The following CCDC3 variants were observed in gnomAD, a reference collection of about 807,000 sequenced individuals.
CCDC3 encodes the protein coiled-coil domain containing 3.
CCDC3 carries 24 observed loss-of-function variants against 21.4 expected under a neutral mutation model. The ratio of observed to expected loss-of-function variants is 1.12; its 90% CI spans 0.81 to 1.58. The LOEUF (loss-of-function observed/expected upper bound fraction) is 1.58. Ranked by LOEUF, CCDC3 falls within the 40% of genes most tolerant of loss-of-function variation. CCDC3 has a pLI of 0.00. For missense variants in CCDC3, 425 were observed against 360.9 expected (o/e 1.18, Z -1.44); for synonymous variants, 186 against 166.0 (o/e 1.12, Z -0.93).
intron 2 of CCDC3, among the ~76,000 whole-genome samples, chr10:12,981,778 C>T (rs141975289): frequency 4.6e-5 from 7 of 152,050 alleles, no homozygotes; most frequent in African/African-American, 9.6e-5. Context: ...CTATGAGTTA[C>T]GATGGAGAAA....
intron 2 of CCDC3, among the ~76,000 whole-genome samples, chr10:12,908,303 G>A (rs947791591): frequency 6.6e-6 from 1 of 152,146 alleles, no homozygotes; most frequent in East Asian, 1.9e-4. Flanking sequence ...TATCAGCTGT[G>A]CACATTGGTC....
intron 5 of CCDC3, among the ~76,000 whole-genome samples, chr10:13,049,307 CT>C (rs901667867): frequency 1.3e-5 from 2 of 151,964 alleles, no homozygotes; most frequent in African/African-American, 4.8e-5. Context: ...CTGTAGAGCA[CT>C]TTTTTTTCTT....
chr10:13,006,641 A>G (rs1450501031), upstream of CCDC3, among the ~76,000 whole-genome samples: 1 of 152,182 alleles, frequency 6.6e-6, no homozygotes, highest in African/African-American at 2.4e-5. Context: ...TGGGTCAGAG[A>G]GAAAATGTGG....
At position 12,944,695 on chromosome 10, in the gene CCDC3, A is replaced by G. The variant is rs987530499; in HGVS notation, c.550-46016T>C. On this transcript the variant is annotated intron_variant, in intron 2 of 2. Coordinates refer to ENST00000378825, the MANE Select transcript of CCDC3 (RefSeq NM_031455.4). ...ACCTGTCTCAGACACTTTCCAGTTTAGAAATATAATACAGACTCATAACTT... is the reference window on the plus strand; with the variant it reads ...ACCTGTCTCAGACACTTTCCAGTTTGGAAATATAATACAGACTCATAACTT... Among the ~76,000 whole-genome samples, 3 of 152,222 alleles carry G rather than the reference A, an allele frequency of 2.0e-5. No individual in the cohort carries two copies. In the South Asian group the frequency reaches 6.2e-4, roughly 32 times the overall value.
At chr10:13,060,828 TG>T (rs1279163395) in intron 4 of CCDC3, among the ~76,000 whole-genome samples, 1 of 151,948 alleles carries the variant, frequency 6.6e-6, no homozygotes, top group Non-Finnish European at 1.5e-5. Flanking sequence ...TTCTAAAGGC[TG>T]AAAAAAAGGG....
chr10:12,990,243 A>C (rs1290708515), intron 2 of CCDC3, among the ~76,000 whole-genome samples: 1 of 149,830 alleles, frequency 6.7e-6, no homozygotes, highest in East Asian at 2.0e-4. Context: ...CTGGGCAAAA[A>C]AGCGAGACTC....
At chr10:12,971,601 G>A (rs948577626) in intron 2 of CCDC3, among the ~76,000 whole-genome samples, 3 of 152,076 alleles carry the variant, frequency 2.0e-5, no homozygotes, top group Admixed American at 6.5e-5. Context: ...CTGCTCTCCC[G>A]CCCGTGTTGT....
intron 4 of CCDC3, among the ~76,000 whole-genome samples, chr10:13,062,042 AT>A (rs1230231712): frequency 2.8e-4 from 42 of 151,434 alleles, no homozygotes; most frequent in African/African-American, 9.7e-4. Context: ...GGGGTAAAAT[AT>A]TTTGATTTTC....
intron 5 of CCDC3, among the ~76,000 whole-genome samples, chr10:13,041,630 T>A (rs1175071889): frequency 6.8e-6 from 1 of 147,598 alleles, no homozygotes; most frequent in Non-Finnish European, 1.5e-5. Context: ...GTTCAAGTGA[T>A]TCTCCTGCCT....
chr10:13,018,069 C>T (rs1357560563), intron 5 of CCDC3, among the ~76,000 whole-genome samples: 4 of 148,494 alleles, frequency 2.7e-5, no homozygotes, highest in Non-Finnish European at 4.5e-5. Flanking sequence ...CTTTCCTTTC[C>T]CATCTATGTC....
chr10:13,011,327 A>G (rs12269529), intron 5 of CCDC3, among the ~76,000 whole-genome samples: 28 of 152,354 alleles, frequency 1.8e-4, no homozygotes, highest in African/African-American at 6.7e-4. Context: ...CTGATAAGCA[A>G]CTTCAGCAAA....
chr10:13,033,475 GA>G (rs1320558711), intron 5 of CCDC3, among the ~76,000 whole-genome samples: 2 of 152,134 alleles, frequency 1.3e-5, no homozygotes, highest in Non-Finnish European at 2.9e-5. Context: ...GGCAACAAAA[GA>G]CAAAATTGAC....
At chr10:12,944,614 C>A (rs1206661027) in intron 2 of CCDC3, among the ~76,000 whole-genome samples, 1 of 152,054 alleles carries the variant, frequency 6.6e-6, no homozygotes, top group Non-Finnish European at 1.5e-5. Flanking sequence ...TTCCTGGGGC[C>A]ATATAATGGG....
At chr10:13,002,894 C>G (rs939572564), upstream of CCDC3, among the ~76,000 whole-genome samples, 5 of 152,224 alleles carry the variant, frequency 3.3e-5, no homozygotes, top group Non-Finnish European at 7.3e-5. Context: ...ACGTGGCCTT[C>G]TCTCTGTGTG....
At chr10:12,993,314 G>A (rs543703344) in intron 2 of CCDC3, among the ~76,000 whole-genome samples, 41 of 152,324 alleles carry the variant, frequency 2.7e-4, no homozygotes, top group African/African-American at 9.4e-4. Flanking sequence ...TGAAGTTGTG[G>A]GAAGTTAGGG....
intron 2 of CCDC3, among the ~76,000 whole-genome samples, chr10:12,990,070 G>A (rs12763790): frequency 0.23 from 35,021 of 151,762 alleles, 4,094 homozygotes; most frequent in Admixed American, 0.3. Flanking sequence ...GGCTAACACA[G>A]TGAAACCGCA....
At chr10:13,045,946 G>A (rs545490843) in intron 5 of CCDC3, among the ~76,000 whole-genome samples, 32 of 151,614 alleles carry the variant, frequency 2.1e-4, no homozygotes, top group Non-Finnish European at 3.5e-4. Flanking sequence ...AAAATTAGCC[G>A]GGTGCGGTGG....
At chr10:13,062,014 C>T (rs150857258) in intron 4 of CCDC3, among the ~76,000 whole-genome samples, 9 of 128,670 alleles carry the variant, frequency 7.0e-5, no homozygotes, top group South Asian at 2.6e-4. Flanking sequence ...TTTCAAAATA[C>T]GCAAAGAACC....
intron 2 of CCDC3, among the ~76,000 whole-genome samples, chr10:12,941,167 A>T (rs970746875): frequency 2.0e-5 from 3 of 152,228 alleles, no homozygotes; most frequent in Non-Finnish European, 4.4e-5. Flanking sequence ...CAACGTGGTG[A>T]CGAGAGTGTC....
Sources: gnomAD v4.1 joint callset for allele counts (sites outside exome capture counted in the v4.1 genomes callset) on GRCh38, gnomAD v4.1.1 for gene constraint, MANE v1.5 for transcripts, NCBI Gene and HGNC (gene_info 2026-07-23, HGNC 2026-07-21) for gene names.